SPIDR: variants seen among roughly 807,000 people sequenced by gnomAD.
SPIDR encodes DNA repair-scaffolding protein.
In SPIDR, 93 loss-of-function variants were observed where a neutral mutation model predicts 104.6. That is an observed-to-expected ratio of 0.89 (90% CI 0.75 to 1.06). The LOEUF is 1.06. Among genes scored for constraint, SPIDR ranks in the 50% least tolerant of loss-of-function variants. The pLI is 0.00. For missense variants in SPIDR, 1,154 were observed against 1,111.2 expected (o/e 1.04, Z -0.55); for synonymous variants, 431 against 416.9 (o/e 1.03, Z -0.41).
intron 5 of SPIDR, among the ~76,000 whole-genome samples, chr8:47,388,154 A>C (rs1008298057): frequency 6.6e-6 from 1 of 152,176 alleles, no homozygotes; most frequent in Non-Finnish European, 1.5e-5. Context: ...CTGGTTTTAG[A>C]TCAACCAGAA....
intron 8 of SPIDR, among the ~76,000 whole-genome samples, chr8:47,527,189 C>G (rs1159660339): frequency 6.6e-6 from 1 of 152,120 alleles, no homozygotes; most frequent in Non-Finnish European, 1.5e-5. Flanking sequence ...TAACAGTATA[C>G]CGGAGCATTC....
At chr8:47,328,417 A>ATT (rs782106826) in intron 5 of SPIDR, among the ~76,000 whole-genome samples, 3 of 135,026 alleles carry the variant, frequency 2.2e-5, no homozygotes, top group African/African-American at 5.5e-5. Context: ...CTGGCTAATT[A>ATT]TTTTTTTTTT....
chr8:47,565,852 G>A (rs1243101863), intron 8 of SPIDR, among the ~76,000 whole-genome samples: 1 of 148,542 alleles, frequency 6.7e-6, no homozygotes, highest in Non-Finnish European at 1.5e-5. Context: ...GATATTAAAG[G>A]TTTAAAAATA....
At chr8:47,411,402 G>A (rs1234039078) in intron 7 of SPIDR, among the ~76,000 whole-genome samples, 6 of 152,184 alleles carry the variant, frequency 3.9e-5, no homozygotes, top group African/African-American at 1.4e-4. Context: ...GCATTTCTCT[G>A]ATGGCCAGTG....
intron 8 of SPIDR, among the ~76,000 whole-genome samples, chr8:47,517,166 A>C (rs2083293972): frequency 6.6e-6 from 1 of 151,942 alleles, no homozygotes; most frequent in Admixed American, 6.6e-5. Context: ...TTGCATTTTT[A>C]ATAGTGACAG....
chr8:47,520,653 T>A (rs1375580695), intron 8 of SPIDR, among the ~76,000 whole-genome samples: 1 of 152,232 alleles, frequency 6.6e-6, no homozygotes, highest in Non-Finnish European at 1.5e-5. Flanking sequence ...AGGCTATTTC[T>A]TTTCATCCTT....
chr8:47,300,259 C>G (rs1044391441), intron 5 of SPIDR, among the ~76,000 whole-genome samples: 6 of 152,196 alleles, frequency 3.9e-5, no homozygotes, highest in Admixed American at 6.5e-5. Flanking sequence ...ATAGTATTCT[C>G]TGATGGTAGT....
intron 1 of SPIDR, among the ~76,000 whole-genome samples, chr8:47,267,877 G>A (rs961592717): frequency 3.0e-4 from 46 of 152,096 alleles, no homozygotes; most frequent in African/African-American, 1.1e-3. Context: ...TGTTTCTTGT[G>A]CTTTTCGGTG....
At chr8:47,365,369 G>T (rs1046495804) in intron 5 of SPIDR, among the ~76,000 whole-genome samples, 9 of 152,182 alleles carry the variant, frequency 5.9e-5, no homozygotes, top group African/African-American at 1.9e-4. Flanking sequence ...TATGTTGCCT[G>T]CCCTTTATAG....
At chr8:47,425,107 T>C (rs1554683789) in intron 7 of SPIDR, among the ~76,000 whole-genome samples, 2 of 152,232 alleles carry the variant, frequency 1.3e-5, no homozygotes, top group African/African-American at 4.8e-5. Context: ...TCTCAGTGTT[T>C]TTCAATCATC....
At chr8:47,578,728 C>T (rs903525827) in intron 8 of SPIDR, among the ~76,000 whole-genome samples, 38 of 152,258 alleles carry the variant, frequency 2.5e-4, no homozygotes, top group African/African-American at 9.1e-4. Flanking sequence ...CACTTTCATA[C>T]ATGAATAAAT....
chr8:47,333,011 C>G (rs779561356), intron 5 of SPIDR, among the ~76,000 whole-genome samples: 4 of 150,730 alleles, frequency 2.7e-5, no homozygotes, highest in Non-Finnish European at 5.9e-5. Flanking sequence ...TTAATTAGAT[C>G]CCATTTGTCA....
intron 5 of SPIDR, among the ~76,000 whole-genome samples, chr8:47,386,542 A>G (rs2059927359): frequency 6.6e-6 from 1 of 152,052 alleles, no homozygotes; most frequent in South Asian, 2.1e-4. Flanking sequence ...AGTGGTAGGA[A>G]GTGGGCTGCT....
intron 5 of SPIDR, among the ~76,000 whole-genome samples, chr8:47,372,995 T>C (rs564318446): frequency 1.6e-4 from 25 of 152,292 alleles, no homozygotes; most frequent in African/African-American, 5.5e-4. Flanking sequence ...AAGGAAGAGA[T>C]GATAAGGCTA....
intron 11 of SPIDR, among the ~76,000 whole-genome samples, chr8:47,689,014 TTTTG>T (rs2078241991): frequency 6.6e-6 from 1 of 152,266 alleles, no homozygotes; most frequent in Non-Finnish European, 1.5e-5. Context: ...TGTTCAAGTC[TTTTG>T]TTTATTTTTC....
chr8:47,630,602 G>A (rs1420904034), intron 10 of SPIDR, among the ~76,000 whole-genome samples: 2 of 152,116 alleles, frequency 1.3e-5, no homozygotes, highest in Non-Finnish European at 2.9e-5. Context: ...ATCCATCCTG[G>A]GTGATCTGAA....
intron 8 of SPIDR, among the ~76,000 whole-genome samples, chr8:47,476,721 A>T (rs2076334269): frequency 6.6e-6 from 1 of 152,204 alleles, no homozygotes. Context: ...TTGTTTAAAA[A>T]TTGATTTTAA....
At chr8:47,561,119 C>T (rs747835911) in intron 8 of SPIDR, among the ~76,000 whole-genome samples, 17 of 152,264 alleles carry the variant, frequency 1.1e-4, no homozygotes, top group Admixed American at 6.5e-4. Context: ...TGCCTGCCAT[C>T]GAACATGAGT....
intron 5 of SPIDR, among the ~76,000 whole-genome samples, chr8:47,312,316 A>G (rs2044343943): frequency 6.6e-6 from 1 of 152,132 alleles, no homozygotes; most frequent in African/African-American, 2.4e-5. Context: ...CAATGGTTGA[A>G]CTAGTTTACA....
Sources: allele counts gnomAD v4.1 joint callset (sites outside exome capture counted in the v4.1 genomes callset), GRCh38; gene constraint gnomAD v4.1.1; transcripts MANE v1.5; gene names NCBI Gene and HGNC (gene_info 2026-07-23, HGNC 2026-07-21).